The following TTLL5 variants were observed in gnomAD, a reference collection of about 807,000 sequenced individuals.
TTLL5 encodes the protein tubulin tyrosine ligase like 5, also known as tubulin polyglutamylase TTLL5.
In TTLL5, 132 loss-of-function variants were observed where a neutral mutation model predicts 168.4. The observed-to-expected ratio is 0.78, with a 90% confidence interval of 0.68 to 0.91. The LOEUF is 0.91. Among genes scored for constraint, TTLL5 ranks in the 40% least tolerant of loss-of-function variants. The probability of loss-of-function intolerance (pLI) is 0.00; values close to 1 mark genes in which losing one functional copy is unlikely to be tolerated. For synonymous variants in TTLL5, 546 were observed against 558.6 expected (o/e 0.98, Z 0.32); for missense variants, 1,545 against 1,581.5 (o/e 0.98, Z 0.39).
At chr14:75,731,939 T>C (rs1326549902) in intron 12 of TTLL5, among the ~76,000 whole-genome samples, 1 of 151,834 alleles carries the variant, frequency 6.6e-6, no homozygotes, top group African/African-American at 2.4e-5. Flanking sequence ...GAAGGGAAAT[T>C]CAGAGAAGGC....
chr14:75,885,127 A>C (rs2032040738), intron 30 of TTLL5, among the ~76,000 whole-genome samples: 1 of 151,718 alleles, frequency 6.6e-6, no homozygotes, highest in African/African-American at 2.4e-5. Flanking sequence ...GTAAGCTGAG[A>C]TCACACCACT....
intron 29 of TTLL5, among the ~76,000 whole-genome samples, chr14:75,881,025 C>T (rs2031783639): frequency 6.6e-6 from 1 of 152,184 alleles, no homozygotes. Flanking sequence ...AGGATTCTCC[C>T]ACCTCAGCCT....
At chr14:75,842,061 A>G (rs904830746) in intron 28 of TTLL5, among the ~76,000 whole-genome samples, 1 of 152,196 alleles carries the variant, frequency 6.6e-6, no homozygotes, top group Non-Finnish European at 1.5e-5. Context: ...AGGCATCTGT[A>G]GGGAACTCCT....
intron 21 of TTLL5, 34 bp from the exon 22 acceptor site, chr14:75,775,450 C>CTT (rs555833874): frequency 5.0e-6 from 8 of 1,585,854 alleles, no homozygotes; most frequent in South Asian, 2.2e-5. Context: ...ACCATCCCTC[C>CTT]TTTTTTTTTC....
intron 30 of TTLL5, among the ~76,000 whole-genome samples, chr14:75,898,815 C>T (rs535480638): frequency 2.0e-5 from 3 of 152,278 alleles, no homozygotes; most frequent in Non-Finnish European, 4.4e-5. Context: ...TCAAATGTGG[C>T]GTCTCTTCCT....
At chr14:75,804,715 A>C (rs1273462181) in intron 27 of TTLL5, among the ~76,000 whole-genome samples, 1 of 152,200 alleles carries the variant, frequency 6.6e-6, no homozygotes, top group East Asian at 1.9e-4. Flanking sequence ...AAAAAGGCAT[A>C]AGCTCTTGAG....
intron 31 of TTLL5, among the ~76,000 whole-genome samples, chr14:75,934,723 A>G (rs2034382869): frequency 6.6e-6 from 1 of 152,208 alleles, no homozygotes; most frequent in South Asian, 2.1e-4. Context: ...AAAAAAAATT[A>G]TAGCTTTCAT....
intron 2 of TTLL5, among the ~76,000 whole-genome samples, chr14:75,667,661 A>G (rs1883364884): frequency 6.6e-6 from 1 of 151,346 alleles, no homozygotes; most frequent in South Asian, 2.1e-4. Context: ...ACTAGAAAGC[A>G]GTTGGCAGCT....
intron 27 of TTLL5, among the ~76,000 whole-genome samples, chr14:75,816,186 T>G (rs1051917700): frequency 6.6e-5 from 10 of 152,180 alleles, no homozygotes; most frequent in Admixed American, 5.9e-4. Context: ...CCCAGCACTT[T>G]GGGAGGCCAA....
chr14:75,803,703 G>A (rs139387500), intron 27 of TTLL5, among the ~76,000 whole-genome samples: 1,890 of 152,284 alleles, frequency 0.012, 15 homozygotes, highest in South Asian at 0.026. Context: ...CCTGGGCTGG[G>A]GGCAGGAGAA....
At position 75,697,350 on chromosome 14, in the gene TTLL5, CAT is replaced by C. The variant is rs564776401; in HGVS notation, c.503-1837_503-1836del. 3.0e-3 allele frequency among the ~76,000 whole-genome samples: 462 copies of C among 152,254 alleles called. 3 individuals are homozygous for C. Among genetic ancestry groups the C allele is most frequent in the African/African-American group, 0.011 (447 of 41,546 alleles). On this transcript the variant is annotated intron_variant, in intron 6 of 31. Transcript: ENST00000298832. Reference sequence around the variant, plus strand: ...AATCTTATATATGCAATATTTTACACATGTGTGAGTAGAACTAGAGGATATAG... The same window carrying C: ...AATCTTATATATGCAATATTTTACACGTGTGAGTAGAACTAGAGGATATAG...
intron 15 of TTLL5, among the ~76,000 whole-genome samples, chr14:75,739,700 A>G (rs1421560618): frequency 2.0e-5 from 3 of 152,136 alleles, no homozygotes; most frequent in East Asian, 3.9e-4. Flanking sequence ...AAGTTCTCTT[A>G]CCTCTCTGAG....
chr14:75,858,904 A>G (rs1365716235), intron 28 of TTLL5, among the ~76,000 whole-genome samples: 2 of 152,132 alleles, frequency 1.3e-5, no homozygotes, highest in East Asian at 3.8e-4. Flanking sequence ...ATACAAGACT[A>G]TTCCTTTCAT....
intron 9 of TTLL5, chr14:75,711,205 A>G (rs1161958799): frequency 2.0e-5 from 3 of 152,266 alleles, no homozygotes; most frequent in Non-Finnish European, 2.9e-5. Context: ...AAGTGTTGCA[A>G]TTGTCCCCCT....
intron 6 of TTLL5, among the ~76,000 whole-genome samples, chr14:75,692,712 A>G (rs555074385): frequency 1.3e-5 from 2 of 152,284 alleles, no homozygotes; most frequent in South Asian, 4.1e-4. Flanking sequence ...GTCAAAGAGG[A>G]ATCCTAAGGT....
At chr14:75,886,754 C>G in intron 30 of TTLL5, 2 of 1,597,538 alleles carry the variant, frequency 1.3e-6, no homozygotes, top group Non-Finnish European at 1.7e-6. Context: ...TCCAAGCAGT[C>G]AGCTGAACTG....
At chr14:75,926,043 A>AGAGAGG (rs922718963) in intron 31 of TTLL5, among the ~76,000 whole-genome samples, 2 of 147,606 alleles carry the variant, frequency 1.4e-5, no homozygotes, top group African/African-American at 5.3e-5. Flanking sequence ...GACCGGGGAA[A>AGAGAGG]GAGAGGGAGA....
intron 14 of TTLL5, among the ~76,000 whole-genome samples, chr14:75,734,698 C>T (rs1192392319): frequency 1.3e-5 from 2 of 152,134 alleles, no homozygotes; most frequent in African/African-American, 2.4e-5. Flanking sequence ...GTCCAATTTC[C>T]AAAGCCATAG....
chr14:75,825,677 A>G (rs1895081256), intron 28 of TTLL5, among the ~76,000 whole-genome samples: 1 of 151,564 alleles, frequency 6.6e-6, no homozygotes, highest in African/African-American at 2.4e-5. Flanking sequence ...GGGGGGGACT[A>G]AAAAAAATTC....
Sources: gnomAD v4.1 joint callset for allele counts (sites outside exome capture counted in the v4.1 genomes callset) on GRCh38, gnomAD v4.1.1 for gene constraint, MANE v1.5 for transcripts, NCBI Gene and HGNC (gene_info 2026-07-23, HGNC 2026-07-21) for gene names.